HACL2: variants seen among roughly 807,000 people sequenced by gnomAD.
HACL2 encodes 2-hydroxyacyl-CoA lyase 2, also known as 2-hydroxyacyl-CoA lyase 1 like.
chr19:15,122,663 G>A, the HACL2 span: 1 of 1,571,152 alleles, frequency 6.4e-7, no homozygotes, highest in South Asian at 1.1e-5. This position sits in a 1 kb window ranked among gnomAD's most constrained non-coding sequence, Gnocchi z 4.0. Context: ...GGGGGATAAA[G>A]GAGGGAATGG....
chr19:15,117,837 A>G, the HACL2 span: 1 of 1,609,402 alleles, frequency 6.2e-7, no homozygotes, highest in South Asian at 1.1e-5. Context: ...GAGGAGAGGG[A>G]CTGGGAGGAG....
chr19:15,117,665 C>T, the HACL2 span: 2,485 of 474,138 alleles, frequency 5.2e-3, 58 homozygotes, highest in African/African-American at 0.045. Flanking sequence ...GGTGACAGAG[C>T]GAGACCTCGT....
At chr19:15,118,154 G>A in the HACL2 span, 2 of 1,058,898 alleles carry the variant, frequency 1.9e-6, no homozygotes, top group African/African-American at 3.1e-5. Context: ...CAGTGACCTT[G>A]CAGCTCCCCA....
At chr19:15,123,078 C>T in the HACL2 span, 3 of 1,610,748 alleles carry the variant, frequency 1.9e-6, no homozygotes, top group Admixed American at 1.7e-5. The surrounding 1 kb of genome is among the most constrained non-coding windows in gnomAD (Gnocchi z 5.1). Flanking sequence ...GCCCTTCAAG[C>T]CCCCCTAGGC....
chr19:15,115,434 AAAG>A, the HACL2 span: 4 of 1,612,878 alleles, frequency 2.5e-6, no homozygotes, highest in East Asian at 6.7e-5. Flanking sequence ...TGATAATCTA[AAAG>A]AAGAGATTAA....
chr19:15,119,963 CAA>C, the HACL2 span: 2 of 1,529,444 alleles, frequency 1.3e-6, no homozygotes, highest in Non-Finnish European at 1.8e-6. Context: ...TCCTCAGACA[CAA>C]AAGAGAGGCA....
chr19:15,119,931 T>A, the HACL2 span: 1 of 1,280,230 alleles, frequency 7.8e-7, no homozygotes, highest in Admixed American at 2.5e-5. Flanking sequence ...GGGGGCCCTC[T>A]CCCCTCAGGG....
chr19:15,115,208 G>C, the HACL2 span: 1 of 1,610,410 alleles, frequency 6.2e-7, no homozygotes, highest in Non-Finnish European at 8.5e-7. Flanking sequence ...GCTGGACACA[G>C]TCCAGGGGCA....
At chr19:15,124,240 T>C in the HACL2 span, 1 of 155,038 alleles carries the variant, frequency 6.5e-6, no homozygotes, top group African/African-American at 2.4e-5. Flanking sequence ...GTGGCATCAC[T>C]CCTGGCTAGC....
chr19:15,116,328 C>T, the HACL2 span: 3 of 1,614,036 alleles, frequency 1.9e-6, no homozygotes, highest in Non-Finnish European at 2.5e-6. Flanking sequence ...CTCCCTGCGA[C>T]AGGACAGCGA....
At chr19:15,116,378 C>G in the HACL2 span, 1 of 1,613,890 alleles carries the variant, frequency 6.2e-7, no homozygotes. Flanking sequence ...CGGGAACCCC[C>G]TTCCCACATC....
the HACL2 span, chr19:15,120,191 T>C: frequency 1.5e-6 from 1 of 683,786 alleles, no homozygotes. Context: ...CAAAGTGGCA[T>C]GGGGACAGGG....
the HACL2 span, chr19:15,119,569 G>A: frequency 6.8e-7 from 1 of 1,473,326 alleles, no homozygotes. Context: ...TTATTTTTTT[G>A]AGACACAGTT....
At chr19:15,120,065 G>A in the HACL2 span, 1 of 1,549,898 alleles carries the variant, frequency 6.5e-7, no homozygotes, top group Admixed American at 2.0e-5. Flanking sequence ...AGGTTGGCCA[G>A]GTAATTCTCT....
At chr19:15,116,585 G>A in the HACL2 span, 1 of 1,375,300 alleles carries the variant, frequency 7.3e-7, no homozygotes, top group Non-Finnish European at 1.0e-6. Flanking sequence ...CAGCATCAGA[G>A]GCCTCAAAAC....
the HACL2 span, chr19:15,124,945 A>G: frequency 1.7e-5 from 27 of 1,607,862 alleles, no homozygotes; most frequent in Admixed American, 2.9e-4. Context: ...AGCTGATAGA[A>G]GAGCCCCAGG....
chr19:15,115,579 GCCAC>G, the HACL2 span: 6 of 1,613,142 alleles, frequency 3.7e-6, no homozygotes, highest in South Asian at 6.6e-5. Context: ...TGTAGGCCAG[GCCAC>G]AGGCCACGTT....
At chr19:15,116,447 T>A in the HACL2 span, 6 of 1,613,720 alleles carry the variant, frequency 3.7e-6, no homozygotes, top group Non-Finnish European at 5.1e-6. Flanking sequence ...TTCCCGCAGC[T>A]CCTCCACCCA....
the HACL2 span, chr19:15,116,662 A>C: frequency 1.5e-6 from 1 of 648,276 alleles, no homozygotes; most frequent in Non-Finnish European, 2.7e-6. Context: ...TCCTAGAAAA[A>C]AAACAGGTGA....
Sources: allele counts gnomAD v4.1 joint callset, GRCh38; gene constraint gnomAD v4.1.1; non-coding constraint Gnocchi (gnomAD v3.1); transcripts MANE v1.5; gene names NCBI Gene and HGNC (gene_info 2026-07-23, HGNC 2026-07-21).